TSPAN12: variants seen among roughly 807,000 people sequenced by gnomAD.
TSPAN12 encodes the protein tetraspanin-12.
Under a neutral mutation model 39.2 loss-of-function variants are expected in TSPAN12, and 19 were observed. The observed-to-expected ratio is 0.49, with a 90% CI of 0.34 to 0.71. The LOEUF (loss-of-function observed/expected upper bound fraction) is 0.71. TSPAN12 is among the 30% of genes least tolerant of loss of function. The pLI is 0.01. For missense variants in TSPAN12, 314 were observed against 359.9 expected (o/e 0.87, Z 1.03); for synonymous variants, 119 against 124.8 (o/e 0.95, Z 0.31).
chr7:120,843,138 A>G (rs1036488467), intron 2 of TSPAN12, among the ~76,000 whole-genome samples: 2 of 152,190 alleles, frequency 1.3e-5, no homozygotes, highest in African/African-American at 4.8e-5. Flanking sequence ...CACATTCAAG[A>G]GTAGAATTAG....
intron 4 of TSPAN12, among the ~76,000 whole-genome samples, chr7:120,821,429 T>TAAA (rs57157669): frequency 2.8e-5 from 4 of 142,756 alleles, no homozygotes; most frequent in African/African-American, 1.0e-4. Flanking sequence ...CTTGTTGACT[T>TAAA]AAAAAAAAAA....
chr7:120,824,963 T>C (rs1794257127), intron 4 of TSPAN12, among the ~76,000 whole-genome samples: 1 of 152,176 alleles, frequency 6.6e-6, no homozygotes, highest in Non-Finnish European at 1.5e-5. Flanking sequence ...AACACCCTCA[T>C]TCCTTTCAAC....
intron 2 of TSPAN12, among the ~76,000 whole-genome samples, chr7:120,843,996 A>G (rs1218904942): frequency 2.0e-5 from 3 of 152,176 alleles, no homozygotes; most frequent in Non-Finnish European, 4.4e-5. Context: ...ATGGTTCCTC[A>G]GGCTGTACAG....
Position 120,810,465 on chromosome 7 carries a change from C to G in TSPAN12, c.466G>C (p.Glu156Gln). The change falls in exon 6 of 8, where the codon GAG (glutamate) becomes CAG (glutamine). Residue 156 changes from glutamate to glutamine, a missense_variant and splice_region_variant. By Grantham distance (29) the Glu-to-Gln change is conservative. Transcript: ENST00000222747. Reference protein sequence around the residue: ...LTHAWNFFQREFKCCGVVYFT... With the variant: ...LTHAWNFFQRQFKCCGVVYFT... ...ACCTCAGAAATTGTAGCACTTACCTCTCTCTGAAAAAAATTCCAAGCATGA... is the reference window on the plus strand; with the variant it reads ...ACCTCAGAAATTGTAGCACTTACCTGTCTCTGAAAAAAATTCCAAGCATGA... 1 of 1,598,918 alleles carries G rather than the reference C, an allele frequency of 6.3e-7. No homozygotes were observed. The highest frequency in any genetic ancestry group is 8.6e-7 in the Non-Finnish European group (1 of 1,166,264).
At chr7:120,796,964 G>T (rs1325957345) in intron 7 of TSPAN12, among the ~76,000 whole-genome samples, 1 of 152,110 alleles carries the variant, frequency 6.6e-6, no homozygotes, top group Non-Finnish European at 1.5e-5. Context: ...GACCATCCTG[G>T]CTAACATGGT....
rs763289435 is a variant in TSPAN12, at chr7:120,806,656, A to T, written c.505T>A (p.Leu169Met). The part of the protein sequence containing the change: ...CCGVVYFTDW[L>M]EMTEMDWPPD... Reference sequence around the variant, plus strand: ...GGCCAGTCCATCTCTGTCATTTCCAACCAGTCAGTGAAATATACTACTCCA... The same window carrying T: ...GGCCAGTCCATCTCTGTCATTTCCATCCAGTCAGTGAAATATACTACTCCA... Residue 169 changes from leucine to methionine, a missense_variant, in exon 7 of 8, where the codon TTG becomes ATG. Leu to Met is a conservative substitution (Grantham distance 15, BLOSUM62 2). Transcript: ENST00000222747. The T allele has an allele frequency of 6.8e-6, 11 of 1,613,484 alleles. No homozygotes were observed. Among genetic ancestry groups the T allele is most frequent in the Non-Finnish European group, 9.3e-6 (11 of 1,179,570 alleles).
intron 7 of TSPAN12, among the ~76,000 whole-genome samples, chr7:120,798,311 G>A (rs554957300): frequency 6.4e-4 from 98 of 152,222 alleles, no homozygotes; most frequent in African/African-American, 2.2e-3. Flanking sequence ...AGATACCACC[G>A]CAAGTCACAG....
At chr7:120,843,509 G>C (rs1172672892) in intron 2 of TSPAN12, among the ~76,000 whole-genome samples, 1 of 152,070 alleles carries the variant, frequency 6.6e-6, no homozygotes, top group Non-Finnish European at 1.5e-5. Flanking sequence ...ATCACCCCAA[G>C]GCCAATTGTT....
intron 2 of TSPAN12, among the ~76,000 whole-genome samples, chr7:120,840,312 T>G (rs1400827395): frequency 6.6e-6 from 1 of 152,172 alleles, no homozygotes; most frequent in African/African-American, 2.4e-5. Flanking sequence ...ACCACCCAAA[T>G]GGGATACAGA....
intron 7 of TSPAN12, among the ~76,000 whole-genome samples, chr7:120,802,768 G>A (rs1401864701): frequency 1.3e-5 from 2 of 152,162 alleles, no homozygotes; most frequent in South Asian, 4.1e-4. Context: ...ATACAAGTTT[G>A]TAGCTTATTA....
chr7:120,813,130 T>C (rs1023673228), intron 5 of TSPAN12, among the ~76,000 whole-genome samples: 7 of 152,200 alleles, frequency 4.6e-5, no homozygotes, highest in Non-Finnish European at 1.0e-4. Flanking sequence ...ATGGAACAGC[T>C]AAAAGCACAA....
intron 4 of TSPAN12, among the ~76,000 whole-genome samples, chr7:120,830,559 G>C (rs1794372149): frequency 6.6e-6 from 1 of 151,986 alleles, no homozygotes; most frequent in African/African-American, 2.4e-5. Context: ...GAAATGGAAA[G>C]TATCTTCAAT....
chr7:120,798,403 T>C (rs1412938071), intron 7 of TSPAN12, among the ~76,000 whole-genome samples: 1 of 152,186 alleles, frequency 6.6e-6, no homozygotes, highest in Non-Finnish European at 1.5e-5. Flanking sequence ...TTTGACTTTA[T>C]ATAAAAGAAC....
chr7:120,793,791 G>A (rs1001909560), intron 7 of TSPAN12, among the ~76,000 whole-genome samples: 2 of 152,162 alleles, frequency 1.3e-5, no homozygotes, highest in Non-Finnish European at 2.9e-5. Context: ...TTCCACCAAG[G>A]TGTATTTAAT....
At chr7:120,812,547 T>C (rs1429566455) in intron 5 of TSPAN12, among the ~76,000 whole-genome samples, 5 of 152,216 alleles carry the variant, frequency 3.3e-5, no homozygotes, top group African/African-American at 1.2e-4. Context: ...AGAAGCAGTT[T>C]CAAAATTCCT....
Position 120,788,685 on chromosome 7 carries a change from T to C in TSPAN12, c.825A>G (p.Ser275=), listed in dbSNP as rs137971071. 51 of 1,614,042 alleles carry C rather than the reference T, an allele frequency of 3.2e-5. No individual in the cohort carries two copies. The highest frequency in any genetic ancestry group is 4.0e-5 in the Non-Finnish European group (47 of 1,179,998). ...ACAGGCTTGGTTTCAACAGTTCTACTGAGGGACATGACAGGTGCTGAGAGT... is the reference window on the plus strand; with the variant it reads ...ACAGGCTTGGTTTCAACAGTTCTACCGAGGGACATGACAGGTGCTGAGAGT... The part of the protein sequence containing the change: ...NDNSQHLSCP[S]VELLKPSLSR... The change falls in exon 8 of 8, where the codon TCA becomes TCG. Residue 275 remains serine, a synonymous_variant. Coordinates refer to ENST00000222747, the MANE Select transcript of TSPAN12 (RefSeq NM_012338.4).
intron 5 of TSPAN12, among the ~76,000 whole-genome samples, chr7:120,813,318 T>C (rs1408043760): frequency 2.0e-5 from 3 of 152,182 alleles, no homozygotes; most frequent in African/African-American, 7.2e-5. Context: ...GGTGATGTAA[T>C]GGGAAAGATT....
intron 5 of TSPAN12, among the ~76,000 whole-genome samples, chr7:120,814,978 T>G (rs1049978454): frequency 3.9e-5 from 6 of 152,200 alleles, no homozygotes; most frequent in Non-Finnish European, 8.8e-5. Context: ...AGTCAGCATT[T>G]TATAAGACTT....
chr7:120,847,955 T>C (rs1022615821), intron 2 of TSPAN12, among the ~76,000 whole-genome samples: 2 of 152,188 alleles, frequency 1.3e-5, no homozygotes, highest in Non-Finnish European at 2.9e-5. Flanking sequence ...CCTTAAACTT[T>C]TTCTTAAACC....
Sources: allele counts gnomAD v4.1 joint callset (sites outside exome capture counted in the v4.1 genomes callset), GRCh38; gene constraint gnomAD v4.1.1; transcripts MANE v1.5; gene names NCBI Gene and HGNC (gene_info 2026-07-23, HGNC 2026-07-21).